The following DOCK3 variants were observed in gnomAD, a reference collection of about 807,000 sequenced individuals.
DOCK3 encodes the protein dedicator of cytokinesis 3, also known as dedicator of cytokinesis protein 3.
DOCK3 carries 60 observed loss-of-function variants against 265.6 expected under a neutral mutation model. The ratio of observed to expected loss-of-function variants is 0.23; its 90% CI spans 0.18 to 0.28. The LOEUF (loss-of-function observed/expected upper bound fraction) is 0.28, where lower values mean the gene tolerates loss of function less well. DOCK3 is among the 10% of genes least tolerant of loss of function. The pLI is 1.00. For missense variants in DOCK3, 1,981 were observed against 2,594.3 expected (o/e 0.76, Z 5.14); for synonymous variants, 881 against 938.0 (o/e 0.94, Z 1.11).
chr3:51,253,752 CTTTTCTTCTTTA>C (rs1369510498), intron 22 of DOCK3, among the ~76,000 whole-genome samples: 1 of 152,180 alleles, frequency 6.6e-6, no homozygotes, highest in African/African-American at 2.4e-5. Flanking sequence ...ATTCTTCTCT[CTTTTCTTCTTTA>C]TTAGTCTTGC....
In DOCK3 at chr3:51,175,655, C is replaced by T. The variant is rs545242630; in HGVS notation, c.1037+14953C>T. On this transcript the variant is annotated intron_variant, in intron 12 of 52. Transcript: ENST00000266037. ...TCTCCTGCACTGCAGTTGGGAGGGG[C>T]TAGAATTGGATTTGCAGGCTACTTT... 2.5e-4 allele frequency among the ~76,000 whole-genome samples: 38 copies of T among 152,272 alleles called. No homozygotes were observed. In the South Asian group the frequency reaches 7.5e-3, roughly 30 times the overall value.
chr3:51,016,074 T>C lies in DOCK3; in HGVS notation c.316-48374T>C, dbSNP rs1290010696. Among the ~76,000 whole-genome samples, 2 of 16,582 alleles carry C rather than the reference T, an allele frequency of 1.2e-4. 1 individual carries two copies. The highest frequency in any genetic ancestry group is 3.7e-3 in the East Asian group (2 of 538). The allele number at this position is 16,582 out of a possible 152,430, so 10.9% of individuals were successfully genotyped here. Reference sequence around the variant, plus strand: ...ATATATCATATATTTCTACATAATATATATCATATATTTCTACATATGATA... The same window carrying C: ...ATATATCATATATTTCTACATAATACATATCATATATTTCTACATATGATA... On this transcript the variant is annotated intron_variant, in intron 5 of 52. Transcript: ENST00000266037.
At chr3:50,686,268 ACT>A (rs2034789887) in intron 1 of DOCK3, among the ~76,000 whole-genome samples, 1 of 151,502 alleles carries the variant, frequency 6.6e-6, no homozygotes, top group South Asian at 2.1e-4. Context: ...ACTGCAGAAA[ACT>A]CTGCTGCACA....
At chr3:50,962,701 G>C (rs1228285231) in intron 5 of DOCK3, among the ~76,000 whole-genome samples, 1 of 92,376 alleles carries the variant, frequency 1.1e-5, no homozygotes, top group Non-Finnish European at 2.6e-5. Context: ...CATTACTAAT[G>C]GCTAGGACTC....
intron 1 of DOCK3, among the ~76,000 whole-genome samples, chr3:50,698,517 G>GTTTTTTTTTTTTTTTTTTTTTTTTT: frequency 0.016 from 305 of 19,514 alleles, 134 homozygotes; most frequent in Non-Finnish European, 0.027. Context: ...TATGTTTTTG[G>GTTTTTTTTTTTTTTTTTTTTTTTTT]TTTTTTTTTT....
At chr3:51,180,193 T>A (rs2087201001) in intron 12 of DOCK3, among the ~76,000 whole-genome samples, 1 of 121,662 alleles carries the variant, frequency 8.2e-6, no homozygotes, top group East Asian at 2.5e-4. Context: ...GGGTGACAGC[T>A]CGAGACCCTG....
intron 49 of DOCK3, among the ~76,000 whole-genome samples, chr3:51,373,637 G>A (rs971371489): frequency 2.0e-4 from 30 of 152,186 alleles, no homozygotes; most frequent in African/African-American, 6.5e-4. Context: ...ACCACATGTG[G>A]CATGGTGTGG....
chr3:51,069,485 AATATT>A (rs2081757327), intron 6 of DOCK3, among the ~76,000 whole-genome samples: 1 of 42,060 alleles, frequency 2.4e-5, no homozygotes, highest in African/African-American at 5.6e-5. Context: ...ATACCTAAGA[AATATT>A]TTATTCTTAG....
chr3:50,707,591 C>T (rs562058063), intron 1 of DOCK3, among the ~76,000 whole-genome samples: 7 of 152,200 alleles, frequency 4.6e-5, no homozygotes, highest in African/African-American at 1.2e-4. Context: ...GTGGAAACTG[C>T]GGTGAGTCTT....
chr3:51,381,522 C>A lies in DOCK3; in HGVS notation c.6056C>A (p.Ala2019Asp). The A allele has an allele frequency of 1.3e-6, 2 of 1,568,734 alleles. No homozygotes were observed. Among genetic ancestry groups the A allele is most frequent in the Non-Finnish European group, 1.7e-6 (2 of 1,159,098 alleles). The change falls in exon 53 of 53, where the codon GCC becomes GAC. Residue 2019 changes from alanine (A) to aspartate (D), a missense_variant. Transcript: ENST00000266037. This position sits in a 1 kb window ranked among gnomAD's most constrained non-coding sequence, Gnocchi z 5.6. ...LPPGSAKEEQARMAWEHGRGE... is the reference protein window; with the variant it reads ...LPPGSAKEEQDRMAWEHGRGE... ...CCTGGGAGCGCTAAGGAGGAGCAGG[C>A]CCGCATGGCCTGGGAGCACGGCCGA... is the stretch of plus-strand genomic sequence containing the variant.
intron 4 of DOCK3, chr3:50,901,040 G>C (rs2049163159): frequency 6.2e-6 from 2 of 323,616 alleles, no homozygotes; most frequent in Admixed American, 9.1e-5. Context: ...GAACAGACAG[G>C]CTGGAACATT....
intron 1 of DOCK3, among the ~76,000 whole-genome samples, chr3:50,679,111 C>G (rs1301581130): frequency 1.3e-5 from 2 of 152,304 alleles, no homozygotes; most frequent in East Asian, 1.9e-4. Flanking sequence ...CTGCGCCCAG[C>G]CTTGCCTGGC....
intron 3 of DOCK3, among the ~76,000 whole-genome samples, chr3:50,872,184 TAGGA>T (rs746343360): frequency 2.6e-5 from 4 of 152,344 alleles, no homozygotes; most frequent in Admixed American, 6.5e-5. Context: ...TTGTCTTTCT[TAGGA>T]AGGCCTTCCA....
chr3:51,253,687 A>G (rs997069456), intron 22 of DOCK3, among the ~76,000 whole-genome samples: 1 of 152,210 alleles, frequency 6.6e-6, no homozygotes, highest in Non-Finnish European at 1.5e-5. Flanking sequence ...GGTAGTCTGT[A>G]GTTCGTGGGA....
intron 1 of DOCK3, among the ~76,000 whole-genome samples, chr3:50,776,550 T>C (rs1390416012): frequency 6.6e-6 from 1 of 152,204 alleles, no homozygotes; most frequent in Non-Finnish European, 1.5e-5. Context: ...GATTATTTCT[T>C]TTGCTGTGCA....
chr3:51,380,988 TGGCGGGC>T (rs2088585425), intron 52 of DOCK3, 55 bp from the exon 53 acceptor site: 4 of 1,522,086 alleles, frequency 2.6e-6, no homozygotes, highest in Non-Finnish European at 3.5e-6. Flanking sequence ...GGTCTTCCTA[TGGCGGGC>T]AAGTCAGCCT....
intron 3 of DOCK3, among the ~76,000 whole-genome samples, chr3:50,844,459 G>A (rs982987368): frequency 3.9e-5 from 6 of 151,966 alleles, no homozygotes; most frequent in African/African-American, 1.2e-4. Flanking sequence ...GAGCTCAATC[G>A]ATGCTTCTGC....
intron 52 of DOCK3, 32 bp downstream of exon 52, chr3:51,380,239 T>C (rs1368466779): frequency 1.0e-5 from 16 of 1,586,852 alleles, no homozygotes; most frequent in Non-Finnish European, 7.7e-6. Flanking sequence ...CCCACCAGGC[T>C]GTGAGATGAG....
Position 50,810,244 on chromosome 3 carries a change from A to G in DOCK3, c.122-31431A>G, listed in dbSNP as rs1476564945. Among the ~76,000 whole-genome samples the G allele has an allele frequency of 3.9e-5, 6 of 152,188 alleles. No individual in the cohort carries two copies. In the East Asian group the frequency reaches 5.8e-4, roughly 15 times the overall value. On this transcript the variant is annotated intron_variant, in intron 2 of 52. Coordinates refer to ENST00000266037, the MANE Select transcript of DOCK3 (RefSeq NM_004947.5). ...CTAAGTGGTGGGCAGACAGGTATGT[A>G]TACTCTTTAAAAATTTATTTAGCTG...
Sources: allele counts gnomAD v4.1 joint callset (sites outside exome capture counted in the v4.1 genomes callset), GRCh38; gene constraint gnomAD v4.1.1; non-coding constraint Gnocchi (gnomAD v3.1); transcripts MANE v1.5; gene names NCBI Gene and HGNC (gene_info 2026-07-23, HGNC 2026-07-21).